MYO10: variants seen among roughly 807,000 people sequenced by gnomAD.
The protein encoded by MYO10 is myosin X, also known as unconventional myosin-X.
In MYO10, 133 loss-of-function variants were observed where a neutral mutation model predicts 257.3. The ratio of observed to expected loss-of-function variants is 0.52; its 90% CI spans 0.45 to 0.60. MYO10 has a LOEUF of 0.60. Ranked by LOEUF, MYO10 falls within the 20% of genes least tolerant of loss-of-function variation. The pLI is 0.00. For synonymous variants in MYO10, 1,104 were observed against 1,028.6 expected (o/e 1.07, Z -1.40); for missense variants, 2,399 against 2,635.7 (o/e 0.91, Z 1.97).
At chr5:16,747,918 CA>C (rs777257950) in intron 19 of MYO10, among the ~76,000 whole-genome samples, 1,312 of 30,320 alleles carry the variant, frequency 0.043, 1 homozygote, top group South Asian at 0.15. Context: ...AACTCCGTCT[CA>C]AAAAAAAAAA....
intron 1 of MYO10, among the ~76,000 whole-genome samples, chr5:16,929,613 T>A (rs1746241785): frequency 6.6e-6 from 1 of 152,172 alleles, no homozygotes; most frequent in African/African-American, 2.4e-5. Context: ...TATAGAGCCT[T>A]TCCCATAGGG....
Position 16,701,763 on chromosome 5 carries a change from G to A in MYO10, c.2632C>T (p.Leu878=). ...TGCTTATTTTCCTTCTGTTTCTCCA[G>A]TTCACGGGTCAGTTCAGCTTCCTTC... The part of the protein sequence containing the change: ...SQKEAELTRE[L]EKQKENKQVE... The change falls in exon 25 of 41, where the codon CTG becomes TTG. Residue 878 remains leucine, a synonymous_variant. Coordinates refer to ENST00000513610, the MANE Select transcript of MYO10 (RefSeq NM_012334.3). This position sits in a 1 kb window ranked among gnomAD's most constrained non-coding sequence, Gnocchi z 8.1. 6.2e-7 allele frequency: 1 copy of A among 1,613,948 alleles called. No homozygotes were observed. The highest frequency in any genetic ancestry group is 8.5e-7 in the Non-Finnish European group (1 of 1,179,884).
chr5:16,888,353 A>G (rs971726294), intron 1 of MYO10, among the ~76,000 whole-genome samples: 3 of 152,044 alleles, frequency 2.0e-5, no homozygotes, highest in Non-Finnish European at 4.4e-5. Flanking sequence ...AGATGGTGAG[A>G]CTTCATCTCT....
intron 32 of MYO10, among the ~76,000 whole-genome samples, chr5:16,681,090 G>C (rs1388472419): frequency 1.3e-5 from 2 of 152,194 alleles, no homozygotes; most frequent in African/African-American, 4.8e-5. Context: ...TCTTGTCCTT[G>C]CGAGAATCTT....
chr5:16,886,517 C>T lies in MYO10; in HGVS notation c.22-8810G>A, dbSNP rs148525260. On this transcript the variant is annotated intron_variant, in intron 1 of 40. Coordinates refer to ENST00000513610, the MANE Select transcript of MYO10 (RefSeq NM_012334.3). ...AGTGTTGGGTAACTCCCCAGACTGG[C>T]CTATTGCTGAAATGCTCTACATTTT... 1.4e-3 allele frequency among the ~76,000 whole-genome samples: 220 copies of T among 152,288 alleles called. 1 individual carries two copies. The highest frequency in any genetic ancestry group is 5.0e-3 in the African/African-American group (209 of 41,550).
intron 2 of MYO10, among the ~76,000 whole-genome samples, chr5:16,851,699 A>T (rs1743805882): frequency 6.6e-6 from 1 of 152,172 alleles, no homozygotes; most frequent in Admixed American, 6.5e-5. Context: ...CAAATAATGC[A>T]AACTTAAAAT....
chr5:16,887,454 T>G (rs977804065), intron 1 of MYO10, among the ~76,000 whole-genome samples: 1 of 152,214 alleles, frequency 6.6e-6, no homozygotes, highest in Non-Finnish European at 1.5e-5. Context: ...CCCATAGTTA[T>G]GGGTTCCAAC....
At chr5:16,751,866 A>G (rs1326000546) in intron 19 of MYO10, among the ~76,000 whole-genome samples, 1 of 152,210 alleles carries the variant, frequency 6.6e-6, no homozygotes, top group East Asian at 1.9e-4. Context: ...AGTGTCTGCC[A>G]TACTTCAGGA....
chr5:16,843,111 C>G (rs1417039020), intron 2 of MYO10, among the ~76,000 whole-genome samples: 1 of 152,044 alleles, frequency 6.6e-6, no homozygotes, highest in African/African-American at 2.4e-5. Context: ...ACCACACATG[C>G]ACCAGCCCAT....
At chr5:16,735,028 T>C (rs181557698) in intron 19 of MYO10, among the ~76,000 whole-genome samples, 1 of 152,248 alleles carries the variant, frequency 6.6e-6, no homozygotes, top group Admixed American at 6.5e-5. Flanking sequence ...GACAAACCAA[T>C]GACCTGTGGC....
Position 16,674,867 on chromosome 5 carries a change from C to G in MYO10, c.4950G>C (p.Lys1650Asn). The G allele has an allele frequency of 6.2e-7, 1 of 1,613,892 alleles. No individual in the cohort carries two copies. The highest frequency in any genetic ancestry group is 8.5e-7 in the Non-Finnish European group (1 of 1,179,860). Residue 1650 changes from lysine (K) to asparagine (N), a missense_variant, in exon 35 of 41, where the codon AAG (lysine) becomes AAC (asparagine). Lys to Asn is a moderately conservative substitution (Grantham distance 94, BLOSUM62 0). Around this residue, in one of 3 missense-constraint regions of MYO10, gnomAD observed 1,820 missense variants for 1,939.4 expected, o/e 0.94. Transcript: ENST00000513610. ...CCATGCTTTACCTTTTCAGATGGAA[C>G]TTGAGATACTTGAGAATCCCTCGAC... is the stretch of plus-strand genomic sequence containing the variant. ...LPSRGILKYL[K>N]FHLKRIREQF... is the part of the protein sequence containing the mutation.
At chr5:16,854,933 T>C (rs78282908) in intron 2 of MYO10, among the ~76,000 whole-genome samples, 3,401 of 151,854 alleles carry the variant, frequency 0.022, 78 homozygotes, top group Admixed American at 0.069. Context: ...CTCGGGAGGC[T>C]GAGGCAGGAG....
At chr5:16,725,304 C>T (rs1005125672) in intron 19 of MYO10, among the ~76,000 whole-genome samples, 1 of 151,946 alleles carries the variant, frequency 6.6e-6, no homozygotes, top group Non-Finnish European at 1.5e-5. Context: ...CCATGTTGGC[C>T]AGGCTGGTTT....
intron 1 of MYO10, among the ~76,000 whole-genome samples, chr5:16,903,912 G>A (rs557102488): frequency 6.6e-6 from 1 of 152,308 alleles, no homozygotes; most frequent in South Asian, 2.1e-4. Context: ...GTGGGGTATT[G>A]TGAAATACAG....
intron 2 of MYO10, among the ~76,000 whole-genome samples, chr5:16,824,017 G>A (rs1011180376): frequency 1.3e-5 from 2 of 152,076 alleles, no homozygotes; most frequent in African/African-American, 4.8e-5. Flanking sequence ...AGTACAAACC[G>A]CTGGTAACAT....
At chr5:16,781,951 G>A (rs1193878922) in intron 5 of MYO10, 122 bp from the exon 6 acceptor site, 1 of 1,202,358 alleles carries the variant, frequency 8.3e-7, no homozygotes, top group Non-Finnish European at 1.2e-6. Context: ...AAAGGACTGA[G>A]GGTGGCAATG....
In MYO10 at chr5:16,766,152, G is replaced by T. The variant is rs762906570; in HGVS notation, c.1107C>A (p.Leu369=). The change falls in exon 11 of 41, where the codon CTC becomes CTA. Residue 369 remains leucine, a synonymous_variant. Transcript: ENST00000513610. Reference sequence around the variant, plus strand: ...TTGATCTCTGGGTCAAAGCATCTGTGAGCTGTGTTGGGTCCAGCCCAAGTA... The same window carrying T: ...TTGATCTCTGGGTCAAAGCATCTGTTAGCTGTGTTGGGTCCAGCCCAAGTA... The part of the protein sequence containing the change: ...AELLGLDPTQ[L]TDALTQRSMF... 2 of 1,613,910 alleles carry T rather than the reference G, an allele frequency of 1.2e-6. No individual in the cohort carries two copies. Among genetic ancestry groups the T allele is most frequent in the South Asian group, 2.2e-5 (2 of 91,066 alleles).
chr5:16,706,280 CACAT>C (rs1164055749), intron 21 of MYO10, among the ~76,000 whole-genome samples: 2 of 151,984 alleles, frequency 1.3e-5, no homozygotes, highest in Non-Finnish European at 2.9e-5. Flanking sequence ...CATATATATT[CACAT>C]ATACATATAC....
chr5:16,700,869 T>C (rs1448363348), intron 25 of MYO10, 94 bp downstream of exon 25: 2 of 1,370,100 alleles, frequency 1.5e-6, no homozygotes, highest in Non-Finnish European at 2.0e-6. Flanking sequence ...TTTGCACAGA[T>C]ATCCTACGGG....
Sources: allele counts gnomAD v4.1 joint callset (sites outside exome capture counted in the v4.1 genomes callset), GRCh38; gene constraint gnomAD v4.1.1; regional missense constraint gnomAD v4.1.1; non-coding constraint Gnocchi (gnomAD v3.1); transcripts MANE v1.5; gene names NCBI Gene and HGNC (gene_info 2026-07-23, HGNC 2026-07-21).